KHDRBS3: variants seen among roughly 807,000 people sequenced by gnomAD.
KHDRBS3 encodes KH RNA binding domain containing, signal transduction associated 3, also known as KH domain-containing, RNA-binding, signal transduction-associated protein 3.
A neutral mutation model predicts 45.6 loss-of-function variants in KHDRBS3; 23 were observed. That is an observed-to-expected ratio of 0.50 (90% confidence interval 0.36 to 0.72). KHDRBS3 has a LOEUF of 0.72. Among genes scored for constraint, KHDRBS3 ranks in the 30% least tolerant of loss-of-function variants. The probability of loss-of-function intolerance (pLI) is 0.00; values close to 1 mark genes in which losing one functional copy is unlikely to be tolerated. For missense variants in KHDRBS3, 352 were observed against 424.8 expected (o/e 0.83, Z 1.51); for synonymous variants, 162 against 156.5 (o/e 1.04, Z -0.26).
intron 4 of KHDRBS3, among the ~76,000 whole-genome samples, chr8:135,655,908 C>G (rs1224482876): frequency 6.6e-6 from 1 of 152,118 alleles, no homozygotes; most frequent in African/African-American, 2.4e-5. Flanking sequence ...GGGTGGACCC[C>G]TAGGAACTCA....
chr8:135,510,403 A>G (rs11166594), intron 1 of KHDRBS3, among the ~76,000 whole-genome samples: 151,081 of 152,336 alleles, frequency 0.99, 74,919 homozygotes, highest in East Asian at 1. Flanking sequence ...ATATTTGATT[A>G]GTTAAAGTGG....
intron 6 of KHDRBS3, among the ~76,000 whole-genome samples, chr8:135,595,882 C>T (rs1390315298): frequency 6.6e-6 from 1 of 152,158 alleles, no homozygotes; most frequent in Non-Finnish European, 1.5e-5. Flanking sequence ...TATTGGAAGA[C>T]ATGGACAATA....
chr8:135,523,330 T>G (rs1307604585), intron 2 of KHDRBS3, among the ~76,000 whole-genome samples: 1 of 152,194 alleles, frequency 6.6e-6, no homozygotes, highest in African/African-American at 2.4e-5. Flanking sequence ...AGATAGGAGT[T>G]TTGTATGTCT....
At chr8:135,622,372 G>C (rs947354058) in intron 7 of KHDRBS3, among the ~76,000 whole-genome samples, 50 of 152,240 alleles carry the variant, frequency 3.3e-4, no homozygotes, top group Admixed American at 2.9e-3. Flanking sequence ...TTTTAATGCT[G>C]CATATTTGAA....
chr8:135,609,953 T>C (rs976452316), intron 7 of KHDRBS3, among the ~76,000 whole-genome samples: 1 of 151,862 alleles, frequency 6.6e-6, no homozygotes, highest in African/African-American at 2.4e-5. Context: ...TTGATTTCAG[T>C]AGATCTTCAC....
At chr8:135,600,326 C>T (rs1463103214) in intron 6 of KHDRBS3, among the ~76,000 whole-genome samples, 2 of 152,264 alleles carry the variant, frequency 1.3e-5, no homozygotes, top group African/African-American at 2.4e-5. Context: ...GGATCAGTTA[C>T]GGTCTCTGAC....
intron 6 of KHDRBS3, among the ~76,000 whole-genome samples, chr8:135,603,943 T>C (rs561745299): frequency 1.1e-3 from 41 of 38,000 alleles, no homozygotes; most frequent in African/African-American, 3.7e-3. Context: ...GTTGTTCAAA[T>C]GTTTTTTTTT....
At chr8:135,631,671 A>C (rs1217596438) in intron 7 of KHDRBS3, among the ~76,000 whole-genome samples, 1 of 152,192 alleles carries the variant, frequency 6.6e-6, no homozygotes, top group Non-Finnish European at 1.5e-5. Context: ...TGTTTTACAG[A>C]TCAAGTAAAC....
At chr8:135,498,756 C>T (rs1823585992) in intron 1 of KHDRBS3, among the ~76,000 whole-genome samples, 1 of 151,974 alleles carries the variant, frequency 6.6e-6, no homozygotes, top group Non-Finnish European at 1.5e-5. Context: ...TTCATTTAGT[C>T]ATCTAAAATA....
intron 1 of KHDRBS3, among the ~76,000 whole-genome samples, chr8:135,518,264 C>T (rs1318657947): frequency 6.6e-6 from 1 of 152,066 alleles, no homozygotes; most frequent in Non-Finnish European, 1.5e-5. Flanking sequence ...AGCTCCGCCT[C>T]CCGTGTTCAT....
At chr8:135,543,765 T>C (rs1410083269) in intron 3 of KHDRBS3, among the ~76,000 whole-genome samples, 10 of 152,218 alleles carry the variant, frequency 6.6e-5, no homozygotes, top group South Asian at 2.1e-4. Flanking sequence ...GAGAATTTTT[T>C]GTTTTTGATT....
At chr8:135,589,430 T>C (rs571600923) in intron 6 of KHDRBS3, among the ~76,000 whole-genome samples, 90 of 152,180 alleles carry the variant, frequency 5.9e-4, no homozygotes, top group Non-Finnish European at 1.1e-3. Context: ...CCTTTCATCC[T>C]CCTGTTGACT....
intron 1 of KHDRBS3, among the ~76,000 whole-genome samples, chr8:135,492,512 T>TATAC (rs1224264203): frequency 1.2e-5 from 1 of 81,184 alleles, no homozygotes; most frequent in Non-Finnish European, 2.6e-5. Flanking sequence ...TACATATATA[T>TATAC]ATACATATAT....
chr8:135,611,876 G>A (rs1829721629), intron 7 of KHDRBS3, among the ~76,000 whole-genome samples: 2 of 151,754 alleles, frequency 1.3e-5, no homozygotes, highest in Admixed American at 1.3e-4. Context: ...TTCAGAATTA[G>A]GAACCTGATA....
chr8:135,481,014 G>A (rs1479172036), intron 1 of KHDRBS3, among the ~76,000 whole-genome samples: 1 of 151,912 alleles, frequency 6.6e-6, no homozygotes, highest in African/African-American at 2.4e-5. Flanking sequence ...CAGGTTTGCA[G>A]TTTAAAAGGT....
chr8:135,581,118 G>T (rs145609751), intron 5 of KHDRBS3, among the ~76,000 whole-genome samples: 1 of 152,344 alleles, frequency 6.6e-6, no homozygotes, highest in East Asian at 1.9e-4. Context: ...CAGCCAGCCT[G>T]CCAGCTGCAG....
intron 1 of KHDRBS3, among the ~76,000 whole-genome samples, chr8:135,516,857 G>C (rs1023583768): frequency 1.3e-5 from 2 of 151,884 alleles, no homozygotes; most frequent in Admixed American, 1.3e-4. Context: ...CTAGAACAAA[G>C]GAAAAATAAT....
At position 135,586,343 on chromosome 8, in the gene KHDRBS3, T is replaced by C. The variant is rs148647151; in HGVS notation, c.807+4270T>C. Among the ~76,000 whole-genome samples, 504 of 151,698 alleles carry C rather than the reference T, an allele frequency of 3.3e-3. 8 individuals carry two copies. Among genetic ancestry groups the C allele is most frequent in the African/African-American group, 0.011 (457 of 41,386 alleles). ...AAAACAAAACCAAAAAAAAAAACAG[T>C]GTTCCACTAGCCGAGGTTATAAATA... On this transcript the variant is annotated intron_variant, in intron 6 of 8. Coordinates refer to ENST00000355849, the MANE Select transcript of KHDRBS3 (RefSeq NM_006558.3).
intron 1 of KHDRBS3, among the ~76,000 whole-genome samples, chr8:135,520,510 A>AT (rs371494930): frequency 0.012 from 1,747 of 151,714 alleles, 28 homozygotes; most frequent in African/African-American, 0.037. Flanking sequence ...GAGGTAGCAC[A>AT]TTTTTTTTTC....
Sources: allele counts gnomAD v4.1 joint callset (sites outside exome capture counted in the v4.1 genomes callset), GRCh38; gene constraint gnomAD v4.1.1; transcripts MANE v1.5; gene names NCBI Gene and HGNC (gene_info 2026-07-23, HGNC 2026-07-21).